SLC14A2: variants seen among roughly 807,000 people sequenced by gnomAD.
SLC14A2 encodes solute carrier family 14 member 2, also known as urea transporter 2.
Under a neutral mutation model 104.6 loss-of-function variants are expected in SLC14A2, and 91 were observed. The ratio of observed to expected loss-of-function variants is 0.87; its 90% CI spans 0.73 to 1.04. SLC14A2 has a LOEUF of 1.04. Among genes scored for constraint, SLC14A2 ranks in the 50% least tolerant of loss-of-function variants. The pLI is 0.00. For missense variants in SLC14A2, 1,189 were observed against 1,156.0 expected (o/e 1.03, Z -0.41); for synonymous variants, 476 against 466.4 (o/e 1.02, Z -0.27).
intron 1 of SLC14A2, chr18:45,438,288 G>A (rs146282730): frequency 2.6e-5 from 4 of 152,304 alleles, no homozygotes; most frequent in African/African-American, 9.6e-5. Context: ...GGATGAGGGG[G>A]TAGGGTGGGA....
chr18:45,653,376 G>A (rs984753355), intron 10 of SLC14A2, among the ~76,000 whole-genome samples: 3 of 152,064 alleles, frequency 2.0e-5, no homozygotes, highest in Admixed American at 6.6e-5. Context: ...ACGTCAGTGG[G>A]GGAGTTTGTC....
At position 45,672,925 on chromosome 18, in the gene SLC14A2, T is replaced by A. The variant is rs1334696536; in HGVS notation, c.2255T>A (p.Ile752Asn). ...CTTTTGAGAGCCATCCCCGTTGGAA[T>A]TGGCCAAGTGTACGGCTGTGATAAC... is the stretch of plus-strand genomic sequence containing the variant. ...PLLLRAIPVGIGQVYGCDNPW... is the reference protein window; with the variant it reads ...PLLLRAIPVGNGQVYGCDNPW... Residue 752 changes from isoleucine (I) to asparagine (N), a missense_variant, in exon 17 of 20, where the codon ATT becomes AAT. Coordinates refer to ENST00000255226, the MANE Select transcript of SLC14A2 (RefSeq NM_007163.4). The A allele has an allele frequency of 1.9e-6, 3 of 1,613,990 alleles. No individual in the cohort carries two copies. Among genetic ancestry groups the A allele is most frequent in the Admixed American group, 1.7e-5 (1 of 59,986 alleles).
At chr18:45,505,554 C>G (rs1030457727) in intron 2 of SLC14A2, among the ~76,000 whole-genome samples, 11 of 152,136 alleles carry the variant, frequency 7.2e-5, no homozygotes, top group African/African-American at 2.7e-4. Flanking sequence ...TCCCCACATA[C>G]CTCACCCCAG....
At chr18:45,456,560 G>T (rs1054304660) in intron 1 of SLC14A2, among the ~76,000 whole-genome samples, 1 of 152,198 alleles carries the variant, frequency 6.6e-6, no homozygotes, top group Non-Finnish European at 1.5e-5. Context: ...CAAGTGCTCA[G>T]GGATTGGGGC....
intron 1 of SLC14A2, among the ~76,000 whole-genome samples, chr18:45,276,743 G>A (rs989263387): frequency 1.3e-5 from 2 of 152,156 alleles, no homozygotes; most frequent in African/African-American, 4.8e-5. Context: ...GTACTCCTAA[G>A]TTACATTTTA....
At chr18:45,358,770 G>A (rs531815991) in intron 1 of SLC14A2, among the ~76,000 whole-genome samples, 2 of 152,146 alleles carry the variant, frequency 1.3e-5, no homozygotes, top group East Asian at 3.9e-4. Flanking sequence ...TTGCAAAGAT[G>A]GTGATCTTGC....
the SLC14A2 span, chr18:45,179,789 A>G: frequency 6.6e-6 from 1 of 152,062 alleles, no homozygotes; most frequent in Non-Finnish European, 1.5e-5. Context: ...AAAATTGACA[A>G]CCTATAGAAA....
chr18:45,211,466 A>G (rs1301838842), upstream of SLC14A2, among the ~76,000 whole-genome samples: 1 of 152,178 alleles, frequency 6.6e-6, no homozygotes, highest in Non-Finnish European at 1.5e-5. Context: ...TGACTTCTTT[A>G]ACTTTTAGGG....
intron 1 of SLC14A2, among the ~76,000 whole-genome samples, chr18:45,333,642 C>T (rs188702539): frequency 9.3e-4 from 141 of 152,222 alleles, no homozygotes; most frequent in Non-Finnish European, 1.5e-3. Context: ...CTAGGCATGG[C>T]GGGAAGTTTG....
Position 45,682,337 on chromosome 18 carries a change from A to T in SLC14A2, c.2581A>T (p.Thr861Ser). The T allele has an allele frequency of 1.2e-6, 2 of 1,614,174 alleles. No individual in the cohort carries two copies. The highest frequency in any genetic ancestry group is 1.1e-5 in the South Asian group (1 of 91,068). Residue 861 changes from threonine (T) to serine (S), a missense_variant, in exon 20 of 20, where the codon ACT becomes TCT. Coordinates refer to ENST00000255226, the MANE Select transcript of SLC14A2 (RefSeq NM_007163.4). Reference protein sequence around the residue: ...MLSVFGLPPCTWPFCLSALTF... With the variant: ...MLSVFGLPPCSWPFCLSALTF... ...TCTCCAGTTTGGATTGCCGCCCTGC[A>T]CTTGGCCCTTCTGTCTCTCAGCTCT...
chr18:45,620,741 T>G (rs914437035), intron 1 of SLC14A2, among the ~76,000 whole-genome samples: 1 of 152,196 alleles, frequency 6.6e-6, no homozygotes, highest in African/African-American at 2.4e-5. Flanking sequence ...CCTGTATACT[T>G]CAGCCCCACC....
In SLC14A2 at chr18:45,475,642, GATATATATATATATATATATATAT is replaced by G. The variant is rs137928157; in HGVS notation, c.-124-7568_-124-7545del. Among the ~76,000 whole-genome samples, 58 of 49,228 alleles carry G rather than the reference GATATATATATATATATATATATAT, an allele frequency of 1.2e-3. 2 individuals are homozygous for G. Among genetic ancestry groups the G allele is most frequent in the East Asian group, 1.5e-3 (3 of 2,022 alleles). 32.3% of individuals were successfully genotyped at this position (49,228 alleles called of 152,430 possible). The stretch of plus-strand genomic sequence containing the variant: ...AGGATATATATATATATATATTTAG[GATATATATATATATATATATATAT>G]ATATATATATATATATATATATGAT... On this transcript the variant is annotated intron_variant, in intron 1 of 20. Coordinates refer to the SLC14A2 transcript ENST00000586448.
intron 1 of SLC14A2, among the ~76,000 whole-genome samples, chr18:45,266,046 G>A (rs2084589336): frequency 6.6e-6 from 1 of 152,114 alleles, no homozygotes; most frequent in African/African-American, 2.4e-5. Flanking sequence ...CAGGTAAGGA[G>A]AATCAGGCTC....
chr18:45,675,685 CTATATA>C (rs35374996), intron 18 of SLC14A2, among the ~76,000 whole-genome samples: 24 of 80,628 alleles, frequency 3.0e-4, no homozygotes, highest in African/African-American at 1.3e-3. Context: ...CAGCTAATTT[CTATATA>C]TATATATATA....
At chr18:45,178,313 G>C in the SLC14A2 span, among the ~76,000 whole-genome samples, 1 of 152,060 alleles carries the variant, frequency 6.6e-6, no homozygotes, top group Non-Finnish European at 1.5e-5. Flanking sequence ...CTACATAAAA[G>C]AGTGACAGTC....
intron 1 of SLC14A2, among the ~76,000 whole-genome samples, chr18:45,369,067 G>C (rs1466432243): frequency 6.6e-6 from 1 of 152,172 alleles, no homozygotes; most frequent in East Asian, 1.9e-4. Flanking sequence ...TCTCCATGAA[G>C]TGAAAGTGAT....
At chr18:45,410,946 C>A (rs1344042775) in intron 1 of SLC14A2, among the ~76,000 whole-genome samples, 1 of 152,204 alleles carries the variant, frequency 6.6e-6, no homozygotes, top group Non-Finnish European at 1.5e-5. Flanking sequence ...GCTCCCCATC[C>A]AGGACCATAA....
intron 2 of SLC14A2, among the ~76,000 whole-genome samples, chr18:45,559,083 C>CTG (rs1448841350): frequency 6.6e-6 from 1 of 152,158 alleles, no homozygotes; most frequent in Non-Finnish European, 1.5e-5. Context: ...GCCACTGCAC[C>CTG]TGGCCCCTTT....
At chr18:45,280,494 C>G (rs917747789) in intron 1 of SLC14A2, among the ~76,000 whole-genome samples, 2 of 152,142 alleles carry the variant, frequency 1.3e-5, no homozygotes, top group East Asian at 3.9e-4. Context: ...CTGGGGTCTC[C>G]AGCCTCGAAG....
Sources: gnomAD v4.1 joint callset for allele counts (sites outside exome capture counted in the v4.1 genomes callset) on GRCh38, gnomAD v4.1.1 for gene constraint, MANE v1.5 for transcripts, NCBI Gene and HGNC (gene_info 2026-07-23, HGNC 2026-07-21) for gene names.